Variants in BARD1 observed in about 807,000 individuals in gnomAD.
The protein encoded by BARD1 is BRCA1-associated RING domain protein 1.
Under a neutral mutation model 77.0 loss-of-function variants are expected in BARD1, and 73 were observed. The ratio of observed to expected loss-of-function variants is 0.95; its 90% CI spans 0.79 to 1.15. BARD1 has a LOEUF of 1.15. Ranked by LOEUF, BARD1 falls within the 50% of genes most tolerant of loss-of-function variation. BARD1 has a pLI of 0.00. For missense variants in BARD1, 993 were observed against 938.8 expected, an observed-to-expected ratio of 1.06 and a Z score of -0.75; for synonymous variants, 384 against 338.0, an observed-to-expected ratio of 1.14 and a Z score of -1.49.
chr2:214,759,203 T>C (rs1051096644), intron 6 of BARD1, among the ~76,000 whole-genome samples: 2 of 152,166 alleles, frequency 1.3e-5, no homozygotes, highest in African/African-American at 4.8e-5. Flanking sequence ...ATGGTCCATG[T>C]AATATTTTCT....
chr2:214,759,468 A>C (rs2106055773), intron 6 of BARD1, among the ~76,000 whole-genome samples: 1 of 152,212 alleles, frequency 6.6e-6, no homozygotes, highest in Admixed American at 6.5e-5. Context: ...AAAGATTATA[A>C]ATCTTTTTTT....
chr2:214,771,193 G>A lies in BARD1; in HGVS notation c.1315-1881C>T, dbSNP rs73989340. 5.1e-3 allele frequency among the ~76,000 whole-genome samples: 776 copies of A among 152,158 alleles called. 8 individuals carry two copies. The highest frequency in any genetic ancestry group is 0.018 in the African/African-American group (733 of 41,514). ...AGGGTACAGTACCTAAGTCCATGAC[G>A]ATAAAGCAAAAATATCTAGCAGAGC... On this transcript the variant is annotated intron_variant, in intron 4 of 10. Transcript: ENST00000260947.
intron 3 of BARD1, among the ~76,000 whole-genome samples, chr2:214,785,622 TAAAAC>T (rs1230521433): frequency 6.6e-6 from 1 of 151,736 alleles, no homozygotes; most frequent in African/African-American, 2.4e-5. Context: ...GGACTAAAGT[TAAAAC>T]AAAAAGAAGG....
intron 9 of BARD1, among the ~76,000 whole-genome samples, chr2:214,738,428 G>A (rs1417882737): frequency 6.6e-6 from 1 of 152,116 alleles, no homozygotes; most frequent in East Asian, 1.9e-4. Flanking sequence ...TGACGCTTAT[G>A]AATTCCAGGG....
At position 214,745,837 on chromosome 2, in the gene BARD1, A is replaced by G. The variant is rs569636814; in HGVS notation, c.1695T>C (p.Arg565=). ...SHCSVMNTGQ[R]RDGPLVLIGS... is the part of the protein sequence containing the mutation. The stretch of plus-strand genomic sequence containing the variant: ...CTATAAGTACAAGAGGTCCATCCCT[A>G]CGCTGCCCAGTGTTCATCTGTTAAT... The change falls in exon 8 of 11, where the codon CGT becomes CGC. Residue 565 remains arginine (R), a synonymous_variant. Transcript: ENST00000260947. The G allele has an allele frequency of 1.9e-5, 31 of 1,614,054 alleles. No individual in the cohort carries two copies. The South Asian group carries it at 2.9e-4, about 15-fold the overall frequency.
At chr2:214,808,242 T>A (rs1696367341) in intron 1 of BARD1, among the ~76,000 whole-genome samples, 2 of 151,976 alleles carry the variant, frequency 1.3e-5, no homozygotes, top group Admixed American at 1.3e-4. Flanking sequence ...ACCCCATCTG[T>A]ACTAAAAATA....
intron 3 of BARD1, among the ~76,000 whole-genome samples, chr2:214,785,506 T>C (rs1407638498): frequency 6.6e-6 from 1 of 152,062 alleles, no homozygotes; most frequent in Non-Finnish European, 1.5e-5. Flanking sequence ...ATTTGATATC[T>C]CTTAAATCTT....
chr2:214,731,521 T>C (rs1262430788), intron 9 of BARD1, among the ~76,000 whole-genome samples: 2 of 152,346 alleles, frequency 1.3e-5, no homozygotes, highest in African/African-American at 2.4e-5. Context: ...AGGACTTGGC[T>C]ATCCCAATTA....
chr2:214,752,671 T>A (rs1693515389), intron 6 of BARD1, 116 bp from the exon 7 acceptor site: 1 of 772,558 alleles, frequency 1.3e-6, no homozygotes, highest in African/African-American at 1.7e-5. Flanking sequence ...GAACTCATAT[T>A]AGGCAGAAGA....
chr2:214,765,964 G>A (rs1694176755), intron 6 of BARD1, among the ~76,000 whole-genome samples: 1 of 152,078 alleles, frequency 6.6e-6, no homozygotes, highest in African/African-American at 2.4e-5. Context: ...TAGAAGCCCT[G>A]CATTTTATAA....
intron 7 of BARD1, among the ~76,000 whole-genome samples, chr2:214,749,907 C>A (rs889349006): frequency 2.0e-5 from 3 of 151,670 alleles, no homozygotes; most frequent in African/African-American, 7.3e-5. Flanking sequence ...AATTCATTAC[C>A]AAAACTATAG....
At chr2:214,756,209 C>T (rs1165662768) in intron 6 of BARD1, among the ~76,000 whole-genome samples, 1 of 152,022 alleles carries the variant, frequency 6.6e-6, no homozygotes, top group Non-Finnish European at 1.5e-5. Flanking sequence ...GTGATTGAGT[C>T]CTCACCAGAT....
intron 1 of BARD1, among the ~76,000 whole-genome samples, chr2:214,804,279 AT>A (rs2106159685): frequency 6.6e-6 from 1 of 152,340 alleles, no homozygotes; most frequent in South Asian, 2.1e-4. Flanking sequence ...AATTAACTAG[AT>A]CTTCTGGTAT....
intron 1 of BARD1, among the ~76,000 whole-genome samples, chr2:214,799,027 G>C (rs1040282507): frequency 5.3e-5 from 8 of 152,182 alleles, no homozygotes; most frequent in Admixed American, 2.0e-4. Flanking sequence ...TGAGGCACAA[G>C]AATCACTTGA....
chr2:214,753,500 CA>C (rs1339505127), intron 6 of BARD1, among the ~76,000 whole-genome samples: 3 of 151,820 alleles, frequency 2.0e-5, no homozygotes, highest in Non-Finnish European at 4.4e-5. Flanking sequence ...TGTGAAAATC[CA>C]ATGCAGTAAA....
At chr2:214,772,606 A>G (rs1215887805) in intron 4 of BARD1, among the ~76,000 whole-genome samples, 1 of 152,154 alleles carries the variant, frequency 6.6e-6, no homozygotes, top group Non-Finnish European at 1.5e-5. Context: ...TTTTTCTTTC[A>G]TGTCACCTCT....
intron 9 of BARD1, among the ~76,000 whole-genome samples, chr2:214,737,028 C>T (rs544503104): frequency 2.0e-5 from 3 of 152,130 alleles, no homozygotes; most frequent in South Asian, 4.1e-4. Context: ...TGAAGGGTGG[C>T]AAAGTGTTTT....
At position 214,781,150 on chromosome 2, in the gene BARD1, A is replaced by C. The variant is rs745837404; in HGVS notation, c.724T>G (p.Phe242Val). Residue 242 changes from phenylalanine to valine, a missense_variant, in exon 4 of 11, where the codon TTC (phenylalanine) becomes GTC (valine). Phe to Val is a conservative substitution (Grantham distance 50). Transcript: ENST00000260947. ...GAGATAACAGATGGTTGGCTACAGA[A>C]GGATACCAGCTTTTGCTTAGATTCC... ...KEESKQKLVS[F>V]CSQPSVISSP... The C allele has an allele frequency of 6.3e-7, 1 of 1,576,270 alleles. No homozygotes were observed. Among genetic ancestry groups the C allele is most frequent in the Non-Finnish European group, 8.6e-7 (1 of 1,166,652 alleles).
chr2:214,747,483 T>G (rs1337813684), intron 7 of BARD1, among the ~76,000 whole-genome samples: 2 of 150,650 alleles, frequency 1.3e-5, no homozygotes, highest in African/African-American at 4.9e-5. Flanking sequence ...TAGACTGGAT[T>G]AAGAAAATGT....
Sources: gnomAD v4.1 joint callset for allele counts (sites outside exome capture counted in the v4.1 genomes callset) on GRCh38, gnomAD v4.1.1 for gene constraint, MANE v1.5 for transcripts, NCBI Gene and HGNC (gene_info 2026-07-23, HGNC 2026-07-21) for gene names.